The following AFF3 variants were observed in gnomAD, a reference collection of about 807,000 sequenced individuals.
AFF3 encodes ALF transcription elongation factor 3.
In AFF3, 32 loss-of-function variants were observed where a neutral mutation model predicts 129.7. The ratio of observed to expected loss-of-function variants is 0.25; its 90% CI spans 0.19 to 0.33. The LOEUF (loss-of-function observed/expected upper bound fraction) is 0.33, where lower values mean the gene tolerates loss of function less well. Ranked by LOEUF, AFF3 falls within the 10% of genes least tolerant of loss-of-function variation. The probability of loss-of-function intolerance (pLI) is 1.00; values close to 1 mark genes in which losing one functional copy is unlikely to be tolerated. For synonymous variants in AFF3, 644 were observed against 635.4 expected, an observed-to-expected ratio of 1.01 and a Z score of -0.20; for missense variants, 1,373 against 1,592.0, an observed-to-expected ratio of 0.86 and a Z score of 2.34.
chr2:99,562,713 T>C (rs1675582483), intron 20 of AFF3, among the ~76,000 whole-genome samples: 1 of 152,210 alleles, frequency 6.6e-6, no homozygotes, highest in Admixed American at 6.5e-5. Context: ...TGAGTTCCTA[T>C]GGTATCCTGG....
chr2:99,685,959 C>T (rs1040014496), intron 11 of AFF3, among the ~76,000 whole-genome samples: 1 of 151,868 alleles, frequency 6.6e-6, no homozygotes, highest in Non-Finnish European at 1.5e-5. Context: ...GAGGCGGAGG[C>T]GGGCGGATCA....
At chr2:99,725,919 C>T (rs1679328855) in intron 11 of AFF3, among the ~76,000 whole-genome samples, 1 of 152,166 alleles carries the variant, frequency 6.6e-6, no homozygotes. Flanking sequence ...AATTTTTATG[C>T]AGTTTCTACT....
intron 4 of AFF3, among the ~76,000 whole-genome samples, chr2:100,078,564 A>G (rs1475588565): frequency 2.0e-5 from 3 of 152,178 alleles, no homozygotes; most frequent in Non-Finnish European, 4.4e-5. Context: ...TCTTGTTTTT[A>G]ATATAATCAG....
chr2:99,611,886 C>CAAA (rs36056201), intron 13 of AFF3, among the ~76,000 whole-genome samples: 91 of 145,322 alleles, frequency 6.3e-4, no homozygotes, highest in South Asian at 5.8e-3. Flanking sequence ...GATATCATCT[C>CAAA]AAAAAAAAAA....
chr2:100,017,009 ATGG>A (rs1293113710), intron 4 of AFF3, among the ~76,000 whole-genome samples: 3 of 146,356 alleles, frequency 2.0e-5, no homozygotes, highest in East Asian at 2.1e-4. Flanking sequence ...GGTTGTGATA[ATGG>A]TGGTGACAGT....
At chr2:99,654,758 C>CT (rs1189974945) in intron 12 of AFF3, among the ~76,000 whole-genome samples, 2 of 151,968 alleles carry the variant, frequency 1.3e-5, no homozygotes, top group African/African-American at 4.8e-5. Flanking sequence ...AAAACATGTT[C>CT]TTTTTTTTCT....
At chr2:99,689,796 A>G (rs1675427559) in intron 11 of AFF3, among the ~76,000 whole-genome samples, 1 of 152,090 alleles carries the variant, frequency 6.6e-6, no homozygotes, top group African/African-American at 2.4e-5. Context: ...CAGAAAAAGA[A>G]AAATGAGCTC....
rs188267128 is a variant in AFF3 at position 99,995,451 on chromosome 2, C to T, written c.873+11181G>A. The stretch of plus-strand genomic sequence containing the variant: ...GCAGTGGTGCGATCTCAGCTCACTG[C>T]AAGCTCCGCCTCCCGGGTTCACGCC... On this transcript the variant is annotated intron_variant, in intron 7 of 24. Coordinates refer to ENST00000672756, the MANE Select transcript of AFF3 (RefSeq NM_001386135.1). 1.9e-3 allele frequency among the ~76,000 whole-genome samples: 289 copies of T among 152,062 alleles called. 3 individuals are homozygous for T. The highest frequency in any genetic ancestry group is 6.7e-3 in the African/African-American group (279 of 41,444).
intron 7 of AFF3, among the ~76,000 whole-genome samples, chr2:99,997,478 C>A (rs200597211): frequency 1.0e-4 from 15 of 148,246 alleles, no homozygotes; most frequent in South Asian, 4.2e-4. Context: ...AACTATCACC[C>A]CCCCCCCAGA....
intron 8 of AFF3, among the ~76,000 whole-genome samples, chr2:99,801,321 C>T (rs1202925360): frequency 6.6e-6 from 1 of 152,166 alleles, no homozygotes; most frequent in Non-Finnish European, 1.5e-5. Context: ...TCAATTTCTT[C>T]TTGTAATTTC....
In AFF3 at chr2:99,546,946, GC is replaced by G. The variant is rs1674093241; in HGVS notation, c.*4527del. On this transcript the variant is annotated 3_prime_UTR_variant, in exon 25 of 25. Transcript: ENST00000672756. ...ACTGGGACACTGGGAGCGTGCATGT[GC>G]ATACGTGCATGCATGTGCGCGCGTG... 4.5e-6 allele frequency: 1 copy of G among 221,422 alleles called. No individual in the cohort carries two copies. The highest frequency in any genetic ancestry group is 9.0e-6 in the Non-Finnish European group (1 of 110,676). 13.7% of individuals were successfully genotyped at this position (221,422 alleles called of 1,614,324 possible).
chr2:99,986,350 C>T (rs1033461220), intron 7 of AFF3, among the ~76,000 whole-genome samples: 1 of 151,806 alleles, frequency 6.6e-6, no homozygotes. Flanking sequence ...ATCCATCCTG[C>T]GTTTACACAC....
chr2:99,934,661 C>G (rs370638952), intron 7 of AFF3, among the ~76,000 whole-genome samples: 36 of 152,262 alleles, frequency 2.4e-4, no homozygotes, highest in Non-Finnish European at 3.2e-4. Context: ...GGGGAAGAAC[C>G]CTGCCCCCTC....
At chr2:99,807,865 G>A (rs1353872324) in intron 8 of AFF3, among the ~76,000 whole-genome samples, 1 of 151,362 alleles carries the variant, frequency 6.6e-6, no homozygotes, top group Non-Finnish European at 1.5e-5. Flanking sequence ...GCTGGCCTCT[G>A]GCAGTCCCCG....
At chr2:99,652,793 T>G (rs1215445196) in intron 12 of AFF3, among the ~76,000 whole-genome samples, 1 of 152,218 alleles carries the variant, frequency 6.6e-6, no homozygotes, top group Non-Finnish European at 1.5e-5. Flanking sequence ...AAGGGGTTAC[T>G]GTCCCCTCCT....
intron 13 of AFF3, among the ~76,000 whole-genome samples, chr2:99,638,521 G>T (rs1284048294): frequency 1.3e-5 from 2 of 151,068 alleles, no homozygotes; most frequent in Non-Finnish European, 2.9e-5. Context: ...TGGCTAAGGA[G>T]CAGGGGAGGG....
chr2:100,015,082 G>T (rs1323267862), intron 4 of AFF3, among the ~76,000 whole-genome samples: 3 of 151,504 alleles, frequency 2.0e-5, no homozygotes, highest in African/African-American at 7.3e-5. Context: ...GGAATTACAG[G>T]CGTGAGCCAC....
intron 7 of AFF3, among the ~76,000 whole-genome samples, chr2:99,923,565 G>A (rs140036099): frequency 4.2e-4 from 64 of 152,244 alleles, no homozygotes; most frequent in Non-Finnish European, 5.4e-4. Flanking sequence ...ATCCTCTGAC[G>A]TCTAGCTGGA....
chr2:99,801,857 G>A (rs1685968947), intron 8 of AFF3, among the ~76,000 whole-genome samples: 1 of 152,092 alleles, frequency 6.6e-6, no homozygotes, highest in African/African-American at 2.4e-5. Flanking sequence ...AATCAGCCAA[G>A]TTCCATTATT....
Sources: gnomAD v4.1 joint callset for allele counts (sites outside exome capture counted in the v4.1 genomes callset) on GRCh38, gnomAD v4.1.1 for gene constraint, MANE v1.5 for transcripts, NCBI Gene and HGNC (gene_info 2026-07-23, HGNC 2026-07-21) for gene names.